CENPW: variants seen among roughly 807,000 people sequenced by gnomAD.
CENPW encodes the protein cancer-up-regulated gene 2 protein.
In CENPW, 3 loss-of-function variants were observed where a neutral mutation model predicts 11.1. That is an observed-to-expected ratio of 0.27 (90% CI 0.12 to 0.70). CENPW has a LOEUF of 0.70. CENPW is among the 30% of genes least tolerant of loss of function. The pLI is 0.77. For missense variants in CENPW, 100 were observed against 105.6 expected (o/e 0.95, Z 0.23); for synonymous variants, 38 against 42.0 (o/e 0.91, Z 0.37).
the CENPW span, among the ~76,000 whole-genome samples, chr6:126,388,410 G>C: frequency 1.3e-5 from 2 of 151,902 alleles, no homozygotes; most frequent in Non-Finnish European, 2.9e-5. Flanking sequence ...TAATTTTACT[G>C]AACTGATGGT....
chr6:126,344,012 A>T (rs982953444), intron 1 of CENPW, among the ~76,000 whole-genome samples: 1 of 152,150 alleles, frequency 6.6e-6, no homozygotes, highest in Non-Finnish European at 1.5e-5. Flanking sequence ...GTGTGGTTTA[A>T]TTGGGTCTGA....
At chr6:126,448,838 A>G in the CENPW span, among the ~76,000 whole-genome samples, 1 of 151,102 alleles carries the variant, frequency 6.6e-6, no homozygotes, top group African/African-American at 2.4e-5. Flanking sequence ...CTAAGCCTAT[A>G]CCCACCTGTC....
the CENPW span, among the ~76,000 whole-genome samples, chr6:126,385,413 A>G: frequency 2.6e-5 from 4 of 152,218 alleles, no homozygotes; most frequent in Non-Finnish European, 4.4e-5. Context: ...ACCATGGAAT[A>G]TTATGCAGTC....
chr6:126,463,510 G>T, the CENPW span, among the ~76,000 whole-genome samples: 1 of 151,722 alleles, frequency 6.6e-6, no homozygotes, highest in African/African-American at 2.4e-5. Context: ...AATAGAGAAA[G>T]TCAATAAAAC....
the CENPW span, among the ~76,000 whole-genome samples, chr6:126,415,858 C>A: frequency 1.3e-5 from 2 of 152,142 alleles, no homozygotes; most frequent in African/African-American, 4.8e-5. Context: ...CTGCCCAGTC[C>A]CAGTTATGTC....
intron 1 of CENPW, 115 bp from the exon 2 acceptor site, chr6:126,346,090 C>G: frequency 2.0e-6 from 1 of 507,622 alleles, no homozygotes; most frequent in African/African-American, 1.9e-5. Flanking sequence ...AGTTAATTTA[C>G]TTAATCACAA....
At chr6:126,375,933 C>G in the CENPW span, among the ~76,000 whole-genome samples, 2 of 152,040 alleles carry the variant, frequency 1.3e-5, no homozygotes, top group African/African-American at 4.8e-5. Flanking sequence ...AGATTTTGAC[C>G]TTGTTGCTCT....
the CENPW span, among the ~76,000 whole-genome samples, chr6:126,371,358 G>GT: frequency 6.6e-6 from 1 of 152,012 alleles, no homozygotes; most frequent in African/African-American, 2.4e-5. Flanking sequence ...TATGGTTTTT[G>GT]TTTTTAATTC....
the CENPW span, among the ~76,000 whole-genome samples, chr6:126,393,719 A>T: frequency 6.7e-6 from 1 of 149,692 alleles, no homozygotes; most frequent in Non-Finnish European, 1.5e-5. Context: ...CTTGAGAGTG[A>T]TTTATATATA....
chr6:126,476,976 T>C, the CENPW span, among the ~76,000 whole-genome samples: 1 of 152,078 alleles, frequency 6.6e-6, no homozygotes, highest in South Asian at 2.1e-4. Context: ...TCTCCCTATA[T>C]AGTAAATGAG....
chr6:126,391,399 A>T, the CENPW span, among the ~76,000 whole-genome samples: 5 of 151,854 alleles, frequency 3.3e-5, no homozygotes, highest in Admixed American at 6.6e-5. Context: ...GTTGACAAAG[A>T]TTTTCTCCAG....
At chr6:126,384,161 T>C in the CENPW span, among the ~76,000 whole-genome samples, 3 of 152,124 alleles carry the variant, frequency 2.0e-5, no homozygotes, top group African/African-American at 7.2e-5. Context: ...TTCAAGTTAA[T>C]AATGAAATTA....
chr6:126,459,076 T>A, the CENPW span, among the ~76,000 whole-genome samples: 2 of 151,458 alleles, frequency 1.3e-5, no homozygotes, highest in South Asian at 4.1e-4. Flanking sequence ...ATCACATTTA[T>A]AAATAGTCTT....
At chr6:126,388,373 C>G in the CENPW span, among the ~76,000 whole-genome samples, 6 of 151,920 alleles carry the variant, frequency 3.9e-5, no homozygotes, top group Non-Finnish European at 8.8e-5. Context: ...ACAGATAGCA[C>G]CGGCCTGAGT....
the CENPW span, among the ~76,000 whole-genome samples, chr6:126,426,711 C>G: frequency 6.6e-6 from 1 of 151,930 alleles, no homozygotes; most frequent in South Asian, 2.1e-4. Context: ...AAACAATATA[C>G]AAAAATTTAA....
the CENPW span, among the ~76,000 whole-genome samples, chr6:126,375,871 G>A: frequency 6.6e-6 from 1 of 152,064 alleles, no homozygotes; most frequent in African/African-American, 2.4e-5. Flanking sequence ...CCTTTGAGGA[G>A]GCATATGAAG....
the CENPW span, among the ~76,000 whole-genome samples, chr6:126,396,516 C>T: frequency 6.6e-6 from 1 of 152,192 alleles, no homozygotes; most frequent in Non-Finnish European, 1.5e-5. Flanking sequence ...GAATCAAGGA[C>T]TCCAAGAGCT....
At chr6:126,464,343 G>C in the CENPW span, among the ~76,000 whole-genome samples, 1 of 152,080 alleles carries the variant, frequency 6.6e-6, no homozygotes, top group East Asian at 1.9e-4. Context: ...AGGGTACTGT[G>C]ATGGTTAATA....
chr6:126,421,170 C>T, the CENPW span, among the ~76,000 whole-genome samples: 1 of 152,082 alleles, frequency 6.6e-6, no homozygotes, highest in Non-Finnish European at 1.5e-5. Flanking sequence ...TACTGTCAAT[C>T]CATCTCATAG....
Sources: gnomAD v4.1 joint callset for allele counts (sites outside exome capture counted in the v4.1 genomes callset) on GRCh38, gnomAD v4.1.1 for gene constraint, MANE v1.5 for transcripts, NCBI Gene and HGNC (gene_info 2026-07-23, HGNC 2026-07-21) for gene names.